The following RASGRF1 variants were observed in gnomAD, a reference collection of about 807,000 sequenced individuals.
RASGRF1 encodes Ras protein specific guanine nucleotide releasing factor 1, also known as ras-specific guanine nucleotide-releasing factor 1.
In RASGRF1, 40 loss-of-function variants were observed where a neutral mutation model predicts 138.7. The observed-to-expected ratio is 0.29, with a 90% CI of 0.22 to 0.38. RASGRF1 has a LOEUF of 0.38. Ranked by LOEUF, RASGRF1 falls within the 10% of genes least tolerant of loss-of-function variation. The probability of loss-of-function intolerance (pLI) is 1.00; values close to 1 mark genes in which losing one functional copy is unlikely to be tolerated. For missense variants in RASGRF1, 1,108 were observed against 1,650.4 expected (o/e 0.67, Z 5.69); for synonymous variants, 614 against 663.2 (o/e 0.93, Z 1.14).
At chr15:79,088,811 A>C (rs1239078195) in intron 1 of RASGRF1, among the ~76,000 whole-genome samples, 2 of 152,166 alleles carry the variant, frequency 1.3e-5, no homozygotes, top group African/African-American at 4.8e-5. Context: ...GCTCCATTTG[A>C]GCTGAAGCTT....
At chr15:78,978,227 T>TTTG (rs1396299205) in intron 24 of RASGRF1, among the ~76,000 whole-genome samples, 13 of 29,478 alleles carry the variant, frequency 4.4e-4, no homozygotes, top group Admixed American at 1.3e-3. Flanking sequence ...TTTGTTTTTT[T>TTTG]TTTTTTTTTT....
Position 79,032,024 on chromosome 15 carries a change from A to C in RASGRF1, c.1152+99T>G. 20 of 1,351,568 alleles carry C rather than the reference A, an allele frequency of 1.5e-5. No individual in the cohort carries two copies. Among genetic ancestry groups the C allele is most frequent in the Non-Finnish European group, 1.7e-5 (17 of 999,892 alleles). The allele number at this position is 1,351,568 out of a possible 1,614,324, so 83.7% of individuals were successfully genotyped here. On this transcript the variant is annotated intron_variant, in intron 7 of 26. Coordinates refer to ENST00000558480, the MANE Select transcript of RASGRF1 (RefSeq NM_001145648.3). The surrounding 1 kb of genome is among the most constrained non-coding windows in gnomAD (Gnocchi z 4.5). ...CCTCCCCCGCCCCCTTTGGCAGCCC[A>C]GAGCTGGGGTGCGTTAAGCACTGTG...
chr15:78,991,604 G>A, intron 21 of RASGRF1, 87 bp downstream of exon 21: 2 of 1,099,824 alleles, frequency 1.8e-6, no homozygotes, highest in Non-Finnish European at 2.8e-6. Flanking sequence ...GTGCAGCTCT[G>A]GAAATTCACT....
intron 1 of RASGRF1, among the ~76,000 whole-genome samples, chr15:79,084,014 G>A (rs1053212882): frequency 2.0e-5 from 3 of 152,164 alleles, no homozygotes; most frequent in African/African-American, 7.2e-5. Flanking sequence ...AGGGCATTTA[G>A]TAATAACTCA....
At chr15:79,067,943 T>C (rs1009817604) in intron 1 of RASGRF1, among the ~76,000 whole-genome samples, 3 of 151,940 alleles carry the variant, frequency 2.0e-5, no homozygotes, top group Non-Finnish European at 4.4e-5. Context: ...AAAAGGGAGC[T>C]TAGAGAGGTG....
intron 11 of RASGRF1, among the ~76,000 whole-genome samples, chr15:79,018,398 T>G (rs986388177): frequency 6.6e-6 from 1 of 152,234 alleles, no homozygotes; most frequent in African/African-American, 2.4e-5. Context: ...AAAAGTGAAT[T>G]CTAGGTATTT....
intron 1 of RASGRF1, among the ~76,000 whole-genome samples, chr15:79,080,141 C>T (rs1483262034): frequency 6.6e-6 from 1 of 152,134 alleles, no homozygotes; most frequent in African/African-American, 2.4e-5. Context: ...TATCTCATAA[C>T]TAGCCTGTTT....
intron 1 of RASGRF1, among the ~76,000 whole-genome samples, chr15:79,089,583 G>A (rs1476705637): frequency 6.6e-6 from 1 of 152,240 alleles, no homozygotes; most frequent in Non-Finnish European, 1.5e-5. Context: ...GCGCATCAGA[G>A]CGGTCCTTGG....
intron 26 of RASGRF1, among the ~76,000 whole-genome samples, chr15:78,968,584 G>GATATAT (rs149342169): frequency 6.6e-6 from 1 of 150,506 alleles, no homozygotes; most frequent in African/African-American, 2.4e-5. Context: ...ACTCCCAGCT[G>GATATAT]ATATATATAT....
chr15:79,020,189 C>T (rs1410836208), intron 10 of RASGRF1, 85 bp from the exon 11 acceptor site: 4 of 1,301,150 alleles, frequency 3.1e-6, no homozygotes. Context: ...TTGGAGGGGA[C>T]TTTAACAAGG....
At chr15:79,058,581 A>C in intron 2 of RASGRF1, 100 bp from the exon 3 acceptor site, 1 of 1,458,070 alleles carries the variant, frequency 6.9e-7, no homozygotes, top group Non-Finnish European at 9.3e-7. Context: ...ACCCACCTGC[A>C]CTTAGCAGAA....
intron 6 of RASGRF1, among the ~76,000 whole-genome samples, chr15:79,034,312 G>A (rs568263271): frequency 1.3e-5 from 2 of 152,298 alleles, no homozygotes; most frequent in South Asian, 4.2e-4. Flanking sequence ...AAGACATTTG[G>A]TGTAGGTTGA....
intron 1 of RASGRF1, among the ~76,000 whole-genome samples, chr15:79,072,499 T>C (rs988574700): frequency 2.6e-5 from 4 of 151,768 alleles, no homozygotes; most frequent in Non-Finnish European, 5.9e-5. Flanking sequence ...ATGGTCTTGA[T>C]CTCCTGACCT....
intron 22 of RASGRF1, among the ~76,000 whole-genome samples, chr15:78,986,321 T>C (rs8033417): frequency 0.34 from 51,949 of 151,388 alleles, 9,513 homozygotes; most frequent in African/African-American, 0.49. Context: ...GTGGGCTTTC[T>C]GGTACATTCT....
intron 20 of RASGRF1, among the ~76,000 whole-genome samples, chr15:78,993,213 G>GT: frequency 8.3e-6 from 1 of 120,202 alleles, no homozygotes; most frequent in East Asian, 2.3e-4. Context: ...TGGTGTGTGT[G>GT]CGTGTGCCTG....
intron 16 of RASGRF1, among the ~76,000 whole-genome samples, chr15:79,000,176 C>T (rs1384431365): frequency 6.6e-6 from 1 of 152,302 alleles, no homozygotes; most frequent in East Asian, 1.9e-4. Context: ...CTCCAGTCAC[C>T]CCGTCCATCT....
intron 13 of RASGRF1, among the ~76,000 whole-genome samples, chr15:79,009,694 C>T (rs1220182502): frequency 6.6e-6 from 1 of 152,144 alleles, no homozygotes; most frequent in African/African-American, 2.4e-5. Context: ...ACTGTTGGTT[C>T]CAGTGCCTCT....
At chr15:79,004,669 GCCCTAT>G in intron 14 of RASGRF1, 1 of 986,434 alleles carries the variant, frequency 1.0e-6, no homozygotes, top group Non-Finnish European at 1.2e-6. Flanking sequence ...GGCTTGAGCG[GCCCTAT>G]ATGCAAACTT....
intron 5 of RASGRF1, among the ~76,000 whole-genome samples, chr15:79,040,241 C>A (rs113462090): frequency 2.0e-5 from 3 of 152,096 alleles, no homozygotes; most frequent in South Asian, 2.1e-4. Flanking sequence ...CCCCCTCCCC[C>A]CTTCATCCCT....
Sources: gnomAD v4.1 joint callset for allele counts (sites outside exome capture counted in the v4.1 genomes callset) on GRCh38, gnomAD v4.1.1 for gene constraint, Gnocchi (gnomAD v3.1) non-coding constraint, MANE v1.5 for transcripts, NCBI Gene and HGNC (gene_info 2026-07-23, HGNC 2026-07-21) for gene names.